The following ANKRD11 variants were observed in gnomAD, a reference collection of about 807,000 sequenced individuals.
The protein encoded by ANKRD11 is ankyrin repeat domain 11, also known as ankyrin repeat domain-containing protein 11.
In ANKRD11, 17 loss-of-function variants were observed where a neutral mutation model predicts 195.7. The observed-to-expected ratio is 0.09, with a 90% CI of 0.06 to 0.13. The LOEUF is 0.13. Ranked by LOEUF, ANKRD11 falls within the 10% of genes least tolerant of loss-of-function variation. The pLI, the probability that ANKRD11 is intolerant of heterozygous loss-of-function variation, is 1.00. For synonymous variants in ANKRD11, 1,953 were observed against 1,528.1 expected (o/e 1.28, Z -6.49); for missense variants, 3,735 against 3,566.1 (o/e 1.05, Z -1.21).
chr16:89,336,494 G>A (rs566046208), intron 2 of ANKRD11, among the ~76,000 whole-genome samples: 56 of 152,352 alleles, frequency 3.7e-4, no homozygotes, highest in African/African-American at 1.3e-3. Flanking sequence ...GAGGACTCCT[G>A]TAGCAGGACA....
At position 89,280,131 on chromosome 16, in the gene ANKRD11, G is replaced by C; in HGVS notation, c.6411C>G (p.Ser2137=). ...TAGTCTGCAGGGGAAGCTCCGGCAG[G>C]GAGAAGGGCCCCAGGTCCAGGTCGT... ...PEDDLDLGPF[S]LPELPLQTKD... The change falls in exon 9 of 13, where the codon TCC becomes TCG. Residue 2137 remains serine, a synonymous_variant. Transcript: ENST00000301030. 6.2e-7 allele frequency: 1 copy of C among 1,612,266 alleles called. No homozygotes were observed. Among genetic ancestry groups the C allele is most frequent in the Non-Finnish European group, 8.5e-7 (1 of 1,179,584 alleles).
intron 2 of ANKRD11, among the ~76,000 whole-genome samples, chr16:89,373,983 G>C (rs1208733727): frequency 2.0e-5 from 3 of 152,240 alleles, no homozygotes; most frequent in East Asian, 3.8e-4. Flanking sequence ...ATCTCCAGAA[G>C]GGTCTGACGA....
Position 89,402,149 on chromosome 16 carries a change from T to C in ANKRD11, c.-60+16135A>G, listed in dbSNP as rs561117336. ...ACTTTTCCATAAGGCACTGAATCTG[T>C]GTAACTTTTAGAGTAAGGAGGACGA... On this transcript the variant is annotated intron_variant, in intron 2 of 12. Transcript: ENST00000301030. 3.3e-5 allele frequency among the ~76,000 whole-genome samples: 5 copies of C among 152,264 alleles called. No homozygotes were observed. The East Asian group carries it at 9.6e-4, about 29-fold the overall frequency.
intron 3 of ANKRD11, among the ~76,000 whole-genome samples, chr16:89,309,877 G>C (rs994256679): frequency 7.7e-4 from 117 of 152,330 alleles, no homozygotes; most frequent in African/African-American, 2.7e-3. Flanking sequence ...CCACCAGATA[G>C]TGACAGCCAT....
At chr16:89,473,519 C>T (rs1226481129) in intron 1 of ANKRD11, among the ~76,000 whole-genome samples, 1 of 152,186 alleles carries the variant, frequency 6.6e-6, no homozygotes, top group African/African-American at 2.4e-5. Flanking sequence ...CAGGGCAAGC[C>T]CAAGTGTCCC....
At chr16:89,462,915 G>C (rs1389945781) in intron 1 of ANKRD11, among the ~76,000 whole-genome samples, 1 of 150,954 alleles carries the variant, frequency 6.6e-6, no homozygotes, top group Non-Finnish European at 1.5e-5. Context: ...TCAGCCCCCC[G>C]CCCAGCTGCC....
At chr16:89,340,301 G>A (rs936433230) in intron 2 of ANKRD11, among the ~76,000 whole-genome samples, 5 of 152,164 alleles carry the variant, frequency 3.3e-5, no homozygotes, top group African/African-American at 1.2e-4. Flanking sequence ...TTTTTGAGAC[G>A]GAGTCTCGCT....
In ANKRD11 at chr16:89,268,410, C is replaced by T. The variant is rs1485280743; in HGVS notation, c.*68G>A. On this transcript the variant is annotated 3_prime_UTR_variant, in exon 13 of 13. Transcript: ENST00000301030. ...GGACAGGGCGCTCCCTCCTCCGCCCCTGGGGCTCAGCAGCAGTCCTGGGCA... is the reference window on the plus strand; with the variant it reads ...GGACAGGGCGCTCCCTCCTCCGCCCTTGGGGCTCAGCAGCAGTCCTGGGCA... 2.7e-6 allele frequency: 2 copies of T among 728,578 alleles called. No homozygotes were observed. Among genetic ancestry groups the T allele is most frequent in the Non-Finnish European group, 2.2e-6 (1 of 451,958 alleles). 45.1% of individuals were successfully genotyped at this position (728,578 alleles called of 1,614,324 possible). A position where few individuals can be genotyped will look rare whatever the true frequency, so the allele number is the denominator to read the frequency against.
intron 2 of ANKRD11, among the ~76,000 whole-genome samples, chr16:89,348,545 G>C (rs1476360000): frequency 6.6e-6 from 1 of 152,136 alleles, no homozygotes; most frequent in Non-Finnish European, 1.5e-5. Flanking sequence ...TAAATGTATA[G>C]TACAAATGAC....
At position 89,282,582 on chromosome 16, in the gene ANKRD11, G is replaced by A; in HGVS notation, c.3960C>T (p.Phe1320=). Residue 1320 remains phenylalanine, a synonymous_variant, in exon 9 of 13, where the codon TTC becomes TTT. Transcript: ENST00000301030. ...DRGQEPGLTA[F]LEVSFTEPPG... ...GTGGCTCCGTGAAAGAGACCTCCAG[G>A]AAGGCAGTCAGCCCCGGCTCCTGCC... 1.2e-6 allele frequency: 2 copies of A among 1,614,120 alleles called. No homozygotes were observed. The highest frequency in any genetic ancestry group is 1.7e-6 in the Non-Finnish European group (2 of 1,180,012).
At chr16:89,442,763 TC>T (rs1186907971) in intron 1 of ANKRD11, among the ~76,000 whole-genome samples, 2 of 152,030 alleles carry the variant, frequency 1.3e-5, no homozygotes, top group Non-Finnish European at 2.9e-5. Context: ...TTTACCCTGC[TC>T]CCCGGTGGCA....
At chr16:89,379,013 T>C (rs575667608) in intron 2 of ANKRD11, among the ~76,000 whole-genome samples, 3 of 152,254 alleles carry the variant, frequency 2.0e-5, no homozygotes, top group African/African-American at 4.8e-5. Flanking sequence ...CCTCCTGCAG[T>C]CGTAGACAAG....
At chr16:89,420,353 G>A (rs920638864) in intron 1 of ANKRD11, 2 of 152,186 alleles carry the variant, frequency 1.3e-5, no homozygotes, top group Non-Finnish European at 2.9e-5. Flanking sequence ...GTTGAGCAGC[G>A]TCGGTCTTCT....
Position 89,306,647 on chromosome 16 carries a change from G to A in ANKRD11, c.88-1303C>T, listed in dbSNP as rs1178390190. Among the ~76,000 whole-genome samples, 2 of 94,608 alleles carry A rather than the reference G, an allele frequency of 2.1e-5. 1 individual carries two copies. Among genetic ancestry groups the A allele is most frequent in the Non-Finnish European group, 4.0e-5 (2 of 50,406 alleles). The allele number at this position is 94,608 out of a possible 152,430, so 62.1% of individuals were successfully genotyped here. A position where few individuals can be genotyped will look rare whatever the true frequency, so the allele number is the denominator to read the frequency against. ...CACCTACCTCCCACTCCGCAGACACGCACCACCTCCCACTGTGCAGACACG... is the reference window on the plus strand; with the variant it reads ...CACCTACCTCCCACTCCGCAGACACACACCACCTCCCACTGTGCAGACACG... On this transcript the variant is annotated intron_variant, in intron 3 of 12. Transcript: ENST00000301030.
At chr16:89,322,347 C>T (rs2037377185) in intron 2 of ANKRD11, among the ~76,000 whole-genome samples, 2 of 152,228 alleles carry the variant, frequency 1.3e-5, no homozygotes, top group East Asian at 1.9e-4. Context: ...CAGGCCTTTA[C>T]GTACGTCCTG....
intron 2 of ANKRD11, chr16:89,324,155 C>T (rs1344440050): frequency 1.9e-6 from 2 of 1,053,956 alleles, no homozygotes; most frequent in Admixed American, 3.8e-5. Context: ...CCTGTTTCCA[C>T]TCACATTTTC....
At chr16:89,463,065 C>A (rs2056753312) in intron 1 of ANKRD11, among the ~76,000 whole-genome samples, 1 of 150,494 alleles carries the variant, frequency 6.6e-6, no homozygotes, top group Admixed American at 6.6e-5. Flanking sequence ...GTCAGCCCCC[C>A]CGCCCGGCCA....
At chr16:89,370,442 C>A (rs1199369470) in intron 2 of ANKRD11, among the ~76,000 whole-genome samples, 1 of 152,130 alleles carries the variant, frequency 6.6e-6, no homozygotes, top group Non-Finnish European at 1.5e-5. Flanking sequence ...TTATCCAGGG[C>A]AAAGATGGCA....
chr16:89,363,657 C>A (rs1467369304), intron 2 of ANKRD11, among the ~76,000 whole-genome samples: 1 of 152,168 alleles, frequency 6.6e-6, no homozygotes, highest in Admixed American at 6.5e-5. Flanking sequence ...TTATGTCCAC[C>A]AAGCACCACA....
Sources: allele counts gnomAD v4.1 joint callset (sites outside exome capture counted in the v4.1 genomes callset), GRCh38; gene constraint gnomAD v4.1.1; transcripts MANE v1.5; gene names NCBI Gene and HGNC (gene_info 2026-07-23, HGNC 2026-07-21).